NRXN1: variants seen among roughly 807,000 people sequenced by gnomAD.
NRXN1 encodes neurexin-1.
Under a neutral mutation model 150.9 loss-of-function variants are expected in NRXN1, and 39 were observed. The observed-to-expected ratio is 0.26, with a 90% CI of 0.20 to 0.34. NRXN1 has a LOEUF of 0.34. Among genes scored for constraint, NRXN1 ranks in the 10% least tolerant of loss-of-function variants. The pLI, the probability that NRXN1 is intolerant of heterozygous loss-of-function variation, is 1.00. For missense variants in NRXN1, 1,815 were observed against 1,949.9 expected (o/e 0.93, Z 1.30); for synonymous variants, 924 against 757.0 (o/e 1.22, Z -3.62).
intron 18 of NRXN1, among the ~76,000 whole-genome samples, chr2:50,178,711 C>T (rs934176899): frequency 6.6e-6 from 1 of 152,032 alleles, no homozygotes; most frequent in African/African-American, 2.4e-5. Flanking sequence ...GGTAAAACAC[C>T]TCATGTTACA....
intron 16 of NRXN1, 96 bp downstream of exon 16, chr2:50,472,202 G>C: frequency 9.3e-7 from 1 of 1,070,506 alleles, no homozygotes; most frequent in Non-Finnish European, 1.3e-6. Context: ...TTGGGTATTT[G>C]ACCAGTTATC....
chr2:50,358,246 G>A (rs1447542206), intron 17 of NRXN1, among the ~76,000 whole-genome samples: 4 of 152,168 alleles, frequency 2.6e-5, no homozygotes, highest in African/African-American at 9.7e-5. Context: ...TCACTCCCCT[G>A]GAAAGGGGGA....
At chr2:50,699,744 C>A (rs1171548867) in intron 5 of NRXN1, among the ~76,000 whole-genome samples, 2 of 151,918 alleles carry the variant, frequency 1.3e-5, no homozygotes, top group African/African-American at 4.8e-5. Flanking sequence ...TTGCCTTTGG[C>A]CCAAGCAGAG....
chr2:50,830,017 A>G (rs1052400943), intron 5 of NRXN1, among the ~76,000 whole-genome samples: 4 of 149,004 alleles, frequency 2.7e-5, no homozygotes, highest in Non-Finnish European at 4.4e-5. Context: ...AAAAAAAAAA[A>G]AAAAAAAAAA....
intron 17 of NRXN1, among the ~76,000 whole-genome samples, chr2:50,331,810 A>G (rs372324446): frequency 2.0e-5 from 3 of 152,160 alleles, no homozygotes; most frequent in Admixed American, 2.0e-4. Flanking sequence ...TCTTAGGTAA[A>G]AAGTCGTAAG....
At chr2:50,374,188 C>T (rs1413236157) in intron 17 of NRXN1, among the ~76,000 whole-genome samples, 1 of 151,750 alleles carries the variant, frequency 6.6e-6, no homozygotes, top group Non-Finnish European at 1.5e-5. Flanking sequence ...GTCCCAGCTA[C>T]TCCGGAGGCT....
At chr2:50,308,070 T>C (rs1273631400) in intron 17 of NRXN1, among the ~76,000 whole-genome samples, 2 of 152,172 alleles carry the variant, frequency 1.3e-5, no homozygotes, top group East Asian at 1.9e-4. Context: ...CAGTCACAGT[T>C]ACCAGTTACG....
At chr2:50,782,701 G>T (rs1704519456) in intron 5 of NRXN1, among the ~76,000 whole-genome samples, 1 of 152,108 alleles carries the variant, frequency 6.6e-6, no homozygotes, top group Non-Finnish European at 1.5e-5. Flanking sequence ...TATTTGTGGG[G>T]GGCAGCAGAG....
intron 5 of NRXN1, among the ~76,000 whole-genome samples, chr2:50,793,041 A>T (rs1366559020): frequency 6.6e-6 from 1 of 152,110 alleles, no homozygotes; most frequent in East Asian, 1.9e-4. Context: ...GGGAAATTAA[A>T]TATTGGCATT....
At position 50,595,337 on chromosome 2, in the gene NRXN1, C is replaced by T. The variant is rs141116690; in HGVS notation, c.1320+24685G>A. Among the ~76,000 whole-genome samples, 881 of 151,416 alleles carry T rather than the reference C, an allele frequency of 5.8e-3. 10 individuals carry two copies. The highest frequency in any genetic ancestry group is 9.4e-3 in the Non-Finnish European group (640 of 67,898). ...AGATATGAGATGCCTTGATGTTATG[C>T]AATTTTTCTCTGTACTACTTTTTTG... On this transcript the variant is annotated intron_variant, in intron 8 of 22. Transcript: ENST00000401669.
chr2:50,735,386 C>A (rs1698612540), intron 5 of NRXN1, among the ~76,000 whole-genome samples: 1 of 151,588 alleles, frequency 6.6e-6, no homozygotes, highest in African/African-American at 2.4e-5. Context: ...GTACCAAGAA[C>A]ACAAGAAAAA....
intron 17 of NRXN1, among the ~76,000 whole-genome samples, chr2:50,312,519 C>T (rs920046997): frequency 6.6e-6 from 1 of 151,638 alleles, no homozygotes; most frequent in African/African-American, 2.4e-5. Flanking sequence ...TTTGACAGTG[C>T]TTTTACATTT....
intron 18 of NRXN1, among the ~76,000 whole-genome samples, chr2:50,152,854 T>C (rs968332405): frequency 6.6e-6 from 1 of 151,808 alleles, no homozygotes; most frequent in Non-Finnish European, 1.5e-5. Flanking sequence ...GTTTTATATT[T>C]ATGTTTTCAT....
chr2:50,552,633 A>G lies in NRXN1; in HGVS notation c.1713T>C (p.Asn571=). ...AGTCCACATGATACCATTCTCCATC[A>G]TTCACTTTCTTCAACAGGGCTTTTA... is the stretch of plus-strand genomic sequence containing the variant. ...IKIKALLKKV[N]DGEWYHVDFQ... is the part of the protein sequence containing the mutation. The change falls in exon 9 of 23, where the codon AAT becomes AAC. Residue 571 remains asparagine (N), a synonymous_variant. Transcript: ENST00000401669. The G allele has an allele frequency of 1.2e-6, 2 of 1,613,860 alleles. No individual in the cohort carries two copies. Among genetic ancestry groups the G allele is most frequent in the South Asian group, 2.2e-5 (2 of 91,074 alleles).
In NRXN1 at chr2:50,187,695, T is replaced by C. The variant is rs547253609; in HGVS notation, c.3546+49094A>G. Among the ~76,000 whole-genome samples the C allele has an allele frequency of 6.6e-5, 10 of 152,242 alleles. 1 individual carries two copies. Among genetic ancestry groups the C allele is most frequent in the African/African-American group, 2.4e-4 (10 of 41,570 alleles). ...ACATTACCTTGGGCAGTATGGCCAT[T>C]TTCGCAATATTGATTCTTCTTATCC... On this transcript the variant is annotated intron_variant, in intron 18 of 22. Transcript: ENST00000401669.
intron 5 of NRXN1, among the ~76,000 whole-genome samples, chr2:50,770,734 T>C (rs1370514389): frequency 6.6e-6 from 1 of 152,062 alleles, no homozygotes. Context: ...ATGAGTCCAT[T>C]CTTCATAGAT....
Position 50,597,281 on chromosome 2 carries a change from C to T in NRXN1, c.1320+22741G>A, listed in dbSNP as rs543536972. On this transcript the variant is annotated intron_variant, in intron 8 of 22. Coordinates refer to ENST00000401669, the MANE Select transcript of NRXN1 (RefSeq NM_001330078.2). ...GACCCTCTAGCCATATCACAATACC[C>T]CAAACCTTTGAATGATGTGTCAGCA... is the stretch of plus-strand genomic sequence containing the variant. Among the ~76,000 whole-genome samples the T allele has an allele frequency of 5.7e-4, 87 of 152,256 alleles. 1 individual carries two copies. Among genetic ancestry groups the T allele is most frequent in the African/African-American group, 2.0e-3 (84 of 41,550 alleles).
chr2:50,330,785 G>A (rs1475125158), intron 17 of NRXN1, among the ~76,000 whole-genome samples: 1 of 152,102 alleles, frequency 6.6e-6, no homozygotes, highest in African/African-American at 2.4e-5. Flanking sequence ...TCTTCACAAC[G>A]TTATCACTTG....
At chr2:50,210,608 A>T (rs1432508660) in intron 18 of NRXN1, among the ~76,000 whole-genome samples, 2 of 151,756 alleles carry the variant, frequency 1.3e-5, no homozygotes, top group African/African-American at 4.8e-5. Flanking sequence ...TAGACTGCAT[A>T]TCACCATTAT....
Sources: gnomAD v4.1 joint callset for allele counts (sites outside exome capture counted in the v4.1 genomes callset) on GRCh38, gnomAD v4.1.1 for gene constraint, MANE v1.5 for transcripts, NCBI Gene and HGNC (gene_info 2026-07-23, HGNC 2026-07-21) for gene names.